The following SLC9A3 variants were observed in gnomAD, a reference collection of about 807,000 sequenced individuals.
SLC9A3 encodes sodium/hydrogen exchanger 3.
A neutral mutation model predicts 86.8 loss-of-function variants in SLC9A3; 37 were observed. The observed-to-expected ratio is 0.43, with a 90% CI of 0.33 to 0.56. The LOEUF (loss-of-function observed/expected upper bound fraction) is 0.56, where lower values mean the gene tolerates loss of function less well. SLC9A3 is among the 20% of genes least tolerant of loss of function. The probability of loss-of-function intolerance (pLI) is 0.06; values close to 1 mark genes in which losing one functional copy is unlikely to be tolerated. For missense variants in SLC9A3, 1,011 were observed against 1,171.9 expected (o/e 0.86, Z 2.00); for synonymous variants, 581 against 528.3 (o/e 1.10, Z -1.37).
chr5:479,989 G>A, intron 9 of SLC9A3, 24 bp from the exon 10 acceptor site: 1 of 1,606,208 alleles, frequency 6.2e-7, no homozygotes, highest in Non-Finnish European at 8.5e-7. Context: ...CCTTGGGTGT[G>A]AGCCTCAGGT....
intron 1 of SLC9A3, among the ~76,000 whole-genome samples, chr5:493,732 G>A (rs1739899144): frequency 6.6e-6 from 1 of 151,834 alleles, no homozygotes; most frequent in African/African-American, 2.4e-5. Flanking sequence ...AGGGATCGGG[G>A]TTCAGAGGCT....
In SLC9A3 at chr5:504,204, G is replaced by A. The variant is rs575003069; in HGVS notation, c.212-12133C>T. 6.0e-5 allele frequency among the ~76,000 whole-genome samples: 9 copies of A among 151,134 alleles called. No individual in the cohort carries two copies. In the East Asian group the frequency reaches 1.2e-3, roughly 20 times the overall value. On this transcript the variant is annotated intron_variant, in intron 1 of 16. Coordinates refer to ENST00000264938, the MANE Select transcript of SLC9A3 (RefSeq NM_004174.4). ...GAGGCGCCTGGGGAGGGAAGGTGCC[G>A]GAAGGCATCGCTGTGGGGCTGCCGC...
rs1278655989 is a variant in SLC9A3 at position 497,524 on chromosome 5, C to T, written c.212-5453G>A. Among the ~76,000 whole-genome samples, 4 of 152,214 alleles carry T rather than the reference C, an allele frequency of 2.6e-5. No homozygotes were observed. The highest frequency in any genetic ancestry group is 7.2e-5 in the African/African-American group (3 of 41,452). On this transcript the variant is annotated intron_variant, in intron 1 of 16. Coordinates refer to ENST00000264938, the MANE Select transcript of SLC9A3 (RefSeq NM_004174.4). The surrounding 1 kb of genome is among the most constrained non-coding windows in gnomAD (Gnocchi z 5.4). ...TTCACCTGTCGGAGCCACTCGTTCACGTTTATCTCTGTCTGGTTGTCAGAA... is the reference window on the plus strand; with the variant it reads ...TTCACCTGTCGGAGCCACTCGTTCATGTTTATCTCTGTCTGGTTGTCAGAA...
intron 4 of SLC9A3, 139 bp from the exon 5 acceptor site, chr5:484,836 T>G (rs1423303545): frequency 1.2e-6 from 1 of 807,658 alleles, no homozygotes; most frequent in Non-Finnish European, 1.9e-6. Context: ...TCGGGCCTGG[T>G]CTCAGCACCA....
At chr5:481,494 G>A in intron 9 of SLC9A3, 71 bp downstream of exon 9, 1 of 1,296,076 alleles carries the variant, frequency 7.7e-7, no homozygotes, top group Non-Finnish European at 1.1e-6. Context: ...GTGGCTTCTG[G>A]TTCTTCCGAG....
intron 1 of SLC9A3, among the ~76,000 whole-genome samples, chr5:519,074 A>T (rs1733812518): frequency 6.6e-6 from 1 of 152,174 alleles, no homozygotes; most frequent in Non-Finnish European, 1.5e-5. Context: ...CTCCTGGAAA[A>T]TGAAACTTCA....
At chr5:501,334 G>A (rs758609679) in intron 1 of SLC9A3, among the ~76,000 whole-genome samples, 3 of 152,182 alleles carry the variant, frequency 2.0e-5, no homozygotes, top group African/African-American at 4.8e-5. Flanking sequence ...AGATTCAGCC[G>A]AGTCCACAAA....
intron 1 of SLC9A3, among the ~76,000 whole-genome samples, chr5:523,631 G>A (rs1579836835): frequency 6.7e-6 from 1 of 149,234 alleles, no homozygotes; most frequent in African/African-American, 2.5e-5. Flanking sequence ...AAGGAGGCCC[G>A]CCAATGGGAA....
chr5:506,177 C>T (rs983295495), intron 1 of SLC9A3, among the ~76,000 whole-genome samples: 28 of 152,262 alleles, frequency 1.8e-4, no homozygotes, highest in African/African-American at 5.1e-4. Flanking sequence ...GGGTCCTGCC[C>T]GCGAAGCCAG....
At chr5:520,971 G>A (rs1447724572) in intron 1 of SLC9A3, among the ~76,000 whole-genome samples, 1 of 152,176 alleles carries the variant, frequency 6.6e-6, no homozygotes, top group Non-Finnish European at 1.5e-5. Context: ...GGCCTAGAGT[G>A]GCCCTGGTGC....
intron 1 of SLC9A3, among the ~76,000 whole-genome samples, chr5:518,361 G>C (rs1268207519): frequency 6.6e-6 from 1 of 151,692 alleles, no homozygotes; most frequent in Non-Finnish European, 1.5e-5. Flanking sequence ...AGCACCCTGA[G>C]ATATGGCACT....
chr5:504,743 G>A (rs957364554), intron 1 of SLC9A3, among the ~76,000 whole-genome samples: 1 of 152,214 alleles, frequency 6.6e-6, no homozygotes, highest in African/African-American at 2.4e-5. Flanking sequence ...GGGGCTGAAG[G>A]GGAAGGGGTG....
Position 484,686 on chromosome 5 carries a change from C to A in SLC9A3, c.766G>T (p.Val256Leu). Residue 256 changes from valine (V) to leucine (L), a missense_variant, in exon 5 of 17, where the codon GTG becomes TTG. Transcript: ENST00000264938. ...ACCAGCGTGCCCCCCAGGCTCACCACGAAGAAGGACACTGGGTAGAGGACG... is the reference window on the plus strand; with the variant it reads ...ACCAGCGTGCCCCCCAGGCTCACCAAGAAGAAGGACACTGGGTAGAGGACG... The part of the protein sequence containing the change: ...DCVKGIVSFF[V>L]VSLGGTLVGV... The A allele has an allele frequency of 6.2e-7, 1 of 1,612,964 alleles. No homozygotes were observed. Among genetic ancestry groups the A allele is most frequent in the Non-Finnish European group, 8.5e-7 (1 of 1,179,938 alleles).
Position 473,324 on chromosome 5 carries a change from G to C in SLC9A3, c.*55C>G, listed in dbSNP as rs1401398982. 1 of 1,400,928 alleles carries C rather than the reference G, an allele frequency of 7.1e-7. No individual in the cohort carries two copies. Among genetic ancestry groups the C allele is most frequent in the Non-Finnish European group, 9.3e-7 (1 of 1,072,986 alleles). The allele number at this position is 1,400,928 out of a possible 1,614,324, so 86.8% of individuals were successfully genotyped here. On this transcript the variant is annotated 3_prime_UTR_variant, in exon 17 of 17. Transcript: ENST00000264938. ...TCTCTGGGACAGCGGCGGCGGCGGTGGGCGGACCGTGGCGCGGGGACGAGC... is the reference window on the plus strand; with the variant it reads ...TCTCTGGGACAGCGGCGGCGGCGGTCGGCGGACCGTGGCGCGGGGACGAGC...
At chr5:522,693 C>A (rs954044016) in intron 1 of SLC9A3, among the ~76,000 whole-genome samples, 2 of 148,758 alleles carry the variant, frequency 1.3e-5, no homozygotes, top group African/African-American at 5.0e-5. Context: ...GAGCCGAGAT[C>A]GCGTCATTGC....
chr5:504,561 C>CT (rs2126643146), intron 1 of SLC9A3, among the ~76,000 whole-genome samples: 1 of 152,318 alleles, frequency 6.6e-6, no homozygotes, highest in South Asian at 2.1e-4. Flanking sequence ...AGATCTCAGG[C>CT]TCCCCGGGCT....
chr5:486,695 C>T (rs1369002917), intron 3 of SLC9A3, among the ~76,000 whole-genome samples: 2 of 152,244 alleles, frequency 1.3e-5, no homozygotes, highest in African/African-American at 2.4e-5. Context: ...GGGAGTATGG[C>T]ACAGTCAGGT....
rs1471316736 is a variant in SLC9A3, at chr5:472,388, A to C, written c.*991T>G. On this transcript the variant is annotated 3_prime_UTR_variant, in exon 17 of 17. Transcript: ENST00000264938. ...CATGCCCCCTGGTTTGTTAAGGGGG[A>C]CAGAGCAGCTGCTGGGCCCCACCAT... The C allele has an allele frequency of 3.0e-6, 1 of 333,882 alleles. No homozygotes were observed. Among genetic ancestry groups the C allele is most frequent in the Admixed American group, 4.4e-5 (1 of 22,636 alleles). 20.7% of individuals were successfully genotyped at this position (333,882 alleles called of 1,614,324 possible). A position where few individuals can be genotyped will look rare whatever the true frequency, so the allele number is the denominator to read the frequency against.
Position 524,218 on chromosome 5 carries a change from C to A in SLC9A3, c.105G>T (p.Ala35=), listed in dbSNP as rs373169856. 4.6e-6 allele frequency: 7 copies of A among 1,515,082 alleles called. No individual in the cohort carries two copies. The highest frequency in any genetic ancestry group is 5.3e-6 in the Non-Finnish European group (6 of 1,132,932). 93.9% of individuals were successfully genotyped at this position (1,515,082 alleles called of 1,614,324 possible). ...AGGVEVEPGG[A]HGESGGFQVV... ...CCTGGAAGCCCCCGCTCTCGCCGTG[C>A]GCGCCGCCGGGCTCCACCTCGACGC... The change falls in exon 1 of 17, where the codon GCG becomes GCT. Residue 35 remains alanine, a synonymous_variant. Coordinates refer to ENST00000264938, the MANE Select transcript of SLC9A3 (RefSeq NM_004174.4).
Sources: gnomAD v4.1 joint callset for allele counts (sites outside exome capture counted in the v4.1 genomes callset) on GRCh38, gnomAD v4.1.1 for gene constraint, Gnocchi (gnomAD v3.1) non-coding constraint, MANE v1.5 for transcripts, NCBI Gene and HGNC (gene_info 2026-07-23, HGNC 2026-07-21) for gene names.